Variants in NAA35 observed in about 807,000 individuals in gnomAD.
NAA35 encodes the protein N-alpha-acetyltransferase 35, NatC auxiliary subunit, also known as MAK10 homolog, amino-acid N-acetyltransferase subunit.
In NAA35, 18 loss-of-function variants were observed where a neutral mutation model predicts 101.7. That is an observed-to-expected ratio of 0.18 (90% CI 0.12 to 0.26). NAA35 has a LOEUF of 0.26. Among genes scored for constraint, NAA35 ranks in the 10% least tolerant of loss-of-function variants. The probability of loss-of-function intolerance (pLI) is 1.00; values close to 1 mark genes in which losing one functional copy is unlikely to be tolerated. For synonymous variants in NAA35, 267 were observed against 273.1 expected (o/e 0.98, Z 0.22); for missense variants, 601 against 886.8 (o/e 0.68, Z 4.09).
intron 13 of NAA35, among the ~76,000 whole-genome samples, chr9:86,004,930 A>G (rs866394983): frequency 7.2e-5 from 11 of 152,354 alleles, no homozygotes; most frequent in African/African-American, 2.6e-4. Context: ...TGCAAACTGC[A>G]GGCCAGCTCT....
intron 1 of NAA35, 21 bp from the exon 2 acceptor site, chr9:85,942,134 A>C: frequency 6.2e-7 from 1 of 1,607,048 alleles, no homozygotes; most frequent in Non-Finnish European, 8.5e-7. Context: ...CCTCTCTCTT[A>C]CATCAGTATT....
chr9:85,987,406 C>T (rs1830695915), intron 11 of NAA35, among the ~76,000 whole-genome samples: 1 of 152,214 alleles, frequency 6.6e-6, no homozygotes, highest in Non-Finnish European at 1.5e-5. Flanking sequence ...ACAACCCAGT[C>T]GGCTTAACTT....
At chr9:86,014,472 A>G in intron 17 of NAA35, 9 of 407,458 alleles carry the variant, frequency 2.2e-5, no homozygotes, top group Non-Finnish European at 3.0e-5. Context: ...AAAAGCTGTC[A>G]TAGAAAGAAA....
chr9:85,968,370 C>G (rs974352120), intron 6 of NAA35, among the ~76,000 whole-genome samples: 2 of 152,162 alleles, frequency 1.3e-5, no homozygotes, highest in Non-Finnish European at 2.9e-5. Context: ...ACCACCACAC[C>G]TGGCTAATTT....
At chr9:86,011,976 T>C (rs927415136) in intron 15 of NAA35, among the ~76,000 whole-genome samples, 6 of 142,734 alleles carry the variant, frequency 4.2e-5, no homozygotes, top group African/African-American at 1.5e-4. Flanking sequence ...GTATATAATA[T>C]ATAATATATA....
chr9:86,024,650 AG>A lies in NAA35; in HGVS notation c.*2692del, dbSNP rs1470131258. 2.6e-5 allele frequency among the ~76,000 whole-genome samples: 4 copies of A among 152,228 alleles called. No individual in the cohort carries two copies. The highest frequency in any genetic ancestry group is 5.9e-5 in the Non-Finnish European group (4 of 68,040). On this transcript the variant is annotated 3_prime_UTR_variant, in exon 23 of 23. Transcript: ENST00000361671. ...TGAATGAGAGTTTCTGCCAAAATCA[AG>A]GATGATTTTTCAGAAATTTTTTTGG...
At chr9:85,988,355 C>T (rs910916454) in intron 11 of NAA35, among the ~76,000 whole-genome samples, 2 of 151,758 alleles carry the variant, frequency 1.3e-5, no homozygotes, top group African/African-American at 2.4e-5. Context: ...GAGCAGAAAG[C>T]GAAAATATTA....
chr9:86,007,541 T>A lies in NAA35; in HGVS notation c.1223+77T>A, dbSNP rs530606575. On this transcript the variant is annotated intron_variant, in intron 14 of 22. Transcript: ENST00000361671. ...CCAACTTCTCTGTACTCCTTCTTTA[T>A]AGCCAAAGTATCAAAATTGGGACCA... 1.2e-3 allele frequency: 1,245 copies of A among 1,001,824 alleles called. 7 individuals carry two copies. The African/African-American group carries it at 0.018, about 14-fold the overall frequency. 62.1% of individuals were successfully genotyped at this position (1,001,824 alleles called of 1,614,324 possible).
intron 13 of NAA35, among the ~76,000 whole-genome samples, chr9:86,006,197 A>C (rs903824402): frequency 2.0e-5 from 3 of 152,104 alleles, no homozygotes; most frequent in African/African-American, 4.8e-5. Flanking sequence ...GATAATACCA[A>C]GTGCTGGTGA....
At chr9:85,974,600 C>T (rs932326365) in intron 6 of NAA35, among the ~76,000 whole-genome samples, 2 of 152,124 alleles carry the variant, frequency 1.3e-5, no homozygotes, top group African/African-American at 4.8e-5. Context: ...GCAGCACGGT[C>T]ATTTAACAGT....
At chr9:85,955,755 A>G (rs761004720) in intron 2 of NAA35, among the ~76,000 whole-genome samples, 11 of 152,158 alleles carry the variant, frequency 7.2e-5, no homozygotes, top group South Asian at 2.1e-4. Context: ...AAACCACTGT[A>G]TAGGTCCCAA....
intron 12 of NAA35, among the ~76,000 whole-genome samples, chr9:86,001,695 G>A (rs1055271781): frequency 7.9e-5 from 12 of 152,144 alleles, no homozygotes; most frequent in Non-Finnish European, 4.4e-5. Flanking sequence ...TGCAACCCCT[G>A]CTTTTTTCTG....
chr9:85,987,530 T>C (rs1382593614), intron 11 of NAA35, among the ~76,000 whole-genome samples: 1 of 152,250 alleles, frequency 6.6e-6, no homozygotes, highest in Non-Finnish European at 1.5e-5. Context: ...TTGAGATGTT[T>C]ATTCTTTTAG....
chr9:85,980,154 G>A (rs1043860026), intron 11 of NAA35, among the ~76,000 whole-genome samples: 3 of 152,188 alleles, frequency 2.0e-5, no homozygotes, highest in Non-Finnish European at 4.4e-5. Flanking sequence ...GTGAAGTATG[G>A]GTAAGGGTCT....
chr9:85,962,793 A>C (rs1457736478), intron 6 of NAA35, among the ~76,000 whole-genome samples: 1 of 152,148 alleles, frequency 6.6e-6, no homozygotes, highest in African/African-American at 2.4e-5. Context: ...AATGAAAGAG[A>C]CAGCCCTTGT....
chr9:86,003,058 C>A (rs1439817729), intron 12 of NAA35, among the ~76,000 whole-genome samples: 1 of 152,116 alleles, frequency 6.6e-6, no homozygotes, highest in African/African-American at 2.4e-5. Context: ...TCTGTAGGGT[C>A]TTTATTTGAA....
chr9:85,951,291 C>T (rs1434452447), intron 2 of NAA35, among the ~76,000 whole-genome samples: 1 of 152,114 alleles, frequency 6.6e-6, no homozygotes, highest in Non-Finnish European at 1.5e-5. Context: ...TAACAGAGGG[C>T]AATTGAATTC....
At chr9:85,955,360 A>ATATATATTTTTTTT (rs749448250) in intron 2 of NAA35, among the ~76,000 whole-genome samples, 1 of 53,932 alleles carries the variant, frequency 1.9e-5, no homozygotes, top group Non-Finnish European at 3.0e-5. Context: ...ATATATATAT[A>ATATATATTTTTTTT]TTTTTTTTTT....
intron 11 of NAA35, among the ~76,000 whole-genome samples, chr9:85,990,724 G>T (rs145040836): frequency 6.6e-6 from 1 of 152,192 alleles, no homozygotes; most frequent in Non-Finnish European, 1.5e-5. Flanking sequence ...GGGCATGTGC[G>T]CTAGAGCGAG....
Sources: allele counts gnomAD v4.1 joint callset (sites outside exome capture counted in the v4.1 genomes callset), GRCh38; gene constraint gnomAD v4.1.1; transcripts MANE v1.5; gene names NCBI Gene and HGNC (gene_info 2026-07-23, HGNC 2026-07-21).